The following NAV1 variants were observed in gnomAD, a reference collection of about 807,000 sequenced individuals.
NAV1 encodes the protein neuron navigator 1, also known as pore membrane and/or filament interacting like protein 3.
In NAV1, 18 loss-of-function variants were observed where a neutral mutation model predicts 175.2. The observed-to-expected ratio is 0.10, with a 90% CI of 0.07 to 0.15. NAV1 has a LOEUF of 0.15. Ranked by LOEUF, NAV1 falls within the 10% of genes least tolerant of loss-of-function variation. NAV1 has a pLI of 1.00. For synonymous variants in NAV1, 897 were observed against 978.7 expected, an observed-to-expected ratio of 0.92 and a Z score of 1.56; for missense variants, 1,731 against 2,436.6, an observed-to-expected ratio of 0.71 and a Z score of 6.10.
intron 1 of NAV1, among the ~76,000 whole-genome samples, chr1:201,560,580 C>T (rs1666168664): frequency 6.6e-6 from 1 of 152,174 alleles, no homozygotes; most frequent in South Asian, 2.1e-4. Flanking sequence ...TGGCAATGGA[C>T]CCTAGGTTCC....
intron 3 of NAV1, among the ~76,000 whole-genome samples, chr1:201,752,166 A>T (rs753922928): frequency 1.3e-5 from 2 of 152,222 alleles, no homozygotes; most frequent in Non-Finnish European, 2.9e-5. Context: ...ATGACTTAAG[A>T]TAAGAAGGCG....
chr1:201,547,649 C>T (rs551242285), intron 1 of NAV1, among the ~76,000 whole-genome samples: 1 of 152,304 alleles, frequency 6.6e-6, no homozygotes, highest in East Asian at 1.9e-4. Context: ...AGAGAGTTAT[C>T]TAAGTTGCCC....
Position 201,785,280 on chromosome 1 carries a change from CTCTT to C in NAV1, c.2805-28_2805-25del, listed in dbSNP as rs752337950. 1.1e-5 allele frequency: 16 copies of C among 1,438,700 alleles called. No individual in the cohort carries two copies. In the African/African-American group the frequency reaches 1.4e-4, roughly 13 times the overall value. The allele number at this position is 1,438,700 out of a possible 1,614,324, so 89.1% of individuals were successfully genotyped here. A position where few individuals can be genotyped will look rare whatever the true frequency, so the allele number is the denominator to read the frequency against. On this transcript the variant is annotated intron_variant, in intron 7 of 29. Coordinates refer to ENST00000367296, the Ensembl canonical transcript of NAV1. ...TGGACCCACATGCTTCTCTCTCTCTCTCTTTTTTTTTTTTTTTTTATCTCCACAG... is the reference window on the plus strand; with the variant it reads ...TGGACCCACATGCTTCTCTCTCTCTCTTTTTTTTTTTTTTTATCTCCACAG...
upstream of NAV1, among the ~76,000 whole-genome samples, chr1:201,643,299 CTCTTTCTTTT>C (rs993116123): frequency 3.4e-5 from 5 of 146,718 alleles, no homozygotes; most frequent in Non-Finnish European, 6.0e-5. Context: ...TCCCTTCCTT[CTCTTTCTTTT>C]TCTTTCTTTC....
chr1:201,697,247 A>T (rs1671231110), intron 1 of NAV1, among the ~76,000 whole-genome samples: 1 of 152,150 alleles, frequency 6.6e-6, no homozygotes, highest in African/African-American at 2.4e-5. Flanking sequence ...CAGGGTCCCC[A>T]GTGGTGGGCA....
intron 1 of NAV1, among the ~76,000 whole-genome samples, chr1:201,561,619 T>C (rs116421359): frequency 0.013 from 2,016 of 152,332 alleles, 15 homozygotes; most frequent in Middle Eastern, 0.031. Flanking sequence ...TTCTGAGTCC[T>C]TTTTTTCTGG....
intron 2 of NAV1, among the ~76,000 whole-genome samples, chr1:201,716,023 AAGAG>A (rs1327611399): frequency 1.3e-5 from 2 of 152,164 alleles, no homozygotes; most frequent in Non-Finnish European, 2.9e-5. Flanking sequence ...CTGAAAAAAA[AAGAG>A]AGAGCTGTGG....
In NAV1 at chr1:201,564,719, G is replaced by A. The variant is rs116407137; in HGVS notation, c.-143-23820G>A. Among the ~76,000 whole-genome samples the A allele has an allele frequency of 5.9e-3, 899 of 152,366 alleles. 8 individuals are homozygous for A. The highest frequency in any genetic ancestry group is 0.021 in the African/African-American group (862 of 41,574). ...TAACACAGATTTATCTTACAGTTCT[G>A]TACAGCAGAAGTCTGACAGGGTGTC... On this transcript the variant is annotated intron_variant, in intron 1 of 33. Transcript: ENST00000685211.
chr1:201,755,958 T>A (rs1173880404), intron 3 of NAV1, among the ~76,000 whole-genome samples: 1 of 151,646 alleles, frequency 6.6e-6, no homozygotes, highest in Non-Finnish European at 1.5e-5. Flanking sequence ...TACAAAAAAA[T>A]TAGCTGGGCG....
At chr1:201,726,261 A>T (rs1309059237) in intron 3 of NAV1, among the ~76,000 whole-genome samples, 1 of 152,208 alleles carries the variant, frequency 6.6e-6, no homozygotes, top group South Asian at 2.1e-4. Context: ...GTTCATTTGT[A>T]AAAAAGGTAA....
intron 1 of NAV1, among the ~76,000 whole-genome samples, chr1:201,689,770 C>T (rs1419636743): frequency 6.6e-6 from 1 of 152,186 alleles, no homozygotes; most frequent in South Asian, 2.1e-4. Context: ...TCAACCTAAG[C>T]TTTGAGAGAG....
At chr1:201,626,731 G>A (rs1029598908) in intron 1 of NAV1, among the ~76,000 whole-genome samples, 1 of 152,188 alleles carries the variant, frequency 6.6e-6, no homozygotes, top group Non-Finnish European at 1.5e-5. Context: ...TGCATTGGGT[G>A]GGCCTTGGGT....
rs1481136128 is a variant in NAV1, at chr1:201,787,044, G to A, written c.2995+467G>A. Among the ~76,000 whole-genome samples, 1 of 152,244 alleles carries A rather than the reference G, an allele frequency of 6.6e-6. No homozygotes were observed. Among genetic ancestry groups the A allele is most frequent in the Non-Finnish European group, 1.5e-5 (1 of 68,042 alleles). On this transcript the variant is annotated intron_variant, in intron 9 of 29. Coordinates refer to ENST00000367296, the Ensembl canonical transcript of NAV1. This position sits in a 1 kb window ranked among gnomAD's most constrained non-coding sequence, Gnocchi z 4.3. The stretch of plus-strand genomic sequence containing the variant: ...TCAGCCAAGTCCAGATTCCTCAACT[G>A]CTCTGGCTGAGCCCAGGCCATCCTA...
At chr1:201,641,307 A>G (rs902532859) in intron 2 of NAV1, among the ~76,000 whole-genome samples, 3 of 152,144 alleles carry the variant, frequency 2.0e-5, no homozygotes, top group African/African-American at 7.2e-5. Context: ...AGCCACCATC[A>G]TCTCTCACTT....
intron 1 of NAV1, among the ~76,000 whole-genome samples, chr1:201,696,291 G>A (rs543440306): frequency 2.8e-4 from 42 of 152,310 alleles, no homozygotes; most frequent in African/African-American, 1.0e-3. Flanking sequence ...CATTGGAATC[G>A]GGCGGAAGAG....
At chr1:201,690,855 C>T (rs1390581925) in intron 1 of NAV1, among the ~76,000 whole-genome samples, 8 of 152,226 alleles carry the variant, frequency 5.3e-5, no homozygotes, top group Non-Finnish European at 1.0e-4. Context: ...CTCAGGCTCT[C>T]TTCCCCAGGA....
At chr1:201,751,290 G>A (rs1182760096) in intron 3 of NAV1, among the ~76,000 whole-genome samples, 3 of 152,188 alleles carry the variant, frequency 2.0e-5, no homozygotes, top group Non-Finnish European at 4.4e-5. Flanking sequence ...GTCCTGCTAA[G>A]TATATGTTTG....
chr1:201,568,199 G>T (rs997483384), intron 1 of NAV1, among the ~76,000 whole-genome samples: 3 of 152,160 alleles, frequency 2.0e-5, no homozygotes, highest in African/African-American at 7.2e-5. Flanking sequence ...CTCCAGCTTG[G>T]TGATGGACTG....
intron 1 of NAV1, among the ~76,000 whole-genome samples, chr1:201,625,324 CA>C (rs1232219940): frequency 6.6e-6 from 1 of 152,240 alleles, no homozygotes; most frequent in Non-Finnish European, 1.5e-5. Flanking sequence ...CCTGACTCAT[CA>C]CCATGGTGGT....
Sources: allele counts gnomAD v4.1 joint callset (sites outside exome capture counted in the v4.1 genomes callset), GRCh38; gene constraint gnomAD v4.1.1; non-coding constraint Gnocchi (gnomAD v3.1); transcripts MANE v1.5; gene names NCBI Gene and HGNC (gene_info 2026-07-23, HGNC 2026-07-21).